ZBTB20: variants seen among roughly 807,000 people sequenced by gnomAD.
The protein encoded by ZBTB20 is zinc finger and BTB domain containing 20.
Under a neutral mutation model 56.9 loss-of-function variants are expected in ZBTB20, and 9 were observed. That is an observed-to-expected ratio of 0.16 (90% CI 0.10 to 0.28). The LOEUF (loss-of-function observed/expected upper bound fraction) is 0.28. ZBTB20 is among the 10% of genes least tolerant of loss of function. The pLI, the probability that ZBTB20 is intolerant of heterozygous loss-of-function variation, is 1.00. For synonymous variants in ZBTB20, 417 were observed against 420.7 expected (o/e 0.99, Z 0.11); for missense variants, 655 against 1,003.0 (o/e 0.65, Z 4.69).
chr3:115,128,591 G>A lies in ZBTB20; in HGVS notation c.-703+18628C>T, dbSNP rs542633885. Among the ~76,000 whole-genome samples the A allele has an allele frequency of 4.6e-5, 7 of 151,836 alleles. No homozygotes were observed. In the East Asian group the frequency reaches 1.4e-3, roughly 29 times the overall value. ...AAGCATGAGAATCGCTTGAACCCAGGAGGCGGAGGTTGCAGTGAACCAAGA... is the reference window on the plus strand; with the variant it reads ...AAGCATGAGAATCGCTTGAACCCAGAAGGCGGAGGTTGCAGTGAACCAAGA... On this transcript the variant is annotated intron_variant, in intron 1 of 11. Transcript: ENST00000675478.
chr3:114,681,847 T>G (rs72954530), intron 6 of ZBTB20, among the ~76,000 whole-genome samples: 2,111 of 152,280 alleles, frequency 0.014, 48 homozygotes, highest in African/African-American at 0.048. Flanking sequence ...CAGCTGAACT[T>G]GACAGCCTAT....
rs1228773525 is a variant in ZBTB20, at chr3:114,325,022, T to C, written c.*13983A>G. 4 of 152,174 alleles carry C rather than the reference T, an allele frequency of 2.6e-5. No individual in the cohort carries two copies. The highest frequency in any genetic ancestry group is 9.7e-5 in the African/African-American group (4 of 41,450). The allele number at this position is 152,174 out of a possible 1,614,324, so 9.4% of individuals were successfully genotyped here. A position where few individuals can be genotyped will look rare whatever the true frequency, so the allele number is the denominator to read the frequency against. ...CCTTAAAATATCAAGTTACCATAGA[T>C]TTTCTCTATCATATCAGCTTCTCAC... On this transcript the variant is annotated 3_prime_UTR_variant, in exon 12 of 12. Transcript: ENST00000675478.
At chr3:114,599,086 G>A (rs1375164007) in intron 6 of ZBTB20, among the ~76,000 whole-genome samples, 2 of 152,008 alleles carry the variant, frequency 1.3e-5, no homozygotes, top group East Asian at 3.8e-4. Context: ...CATGCTATAT[G>A]TGACACCTCC....
intron 1 of ZBTB20, among the ~76,000 whole-genome samples, chr3:115,131,024 G>A (rs751705101): frequency 2.0e-5 from 3 of 152,122 alleles, no homozygotes; most frequent in African/African-American, 4.8e-5. Flanking sequence ...GCCTCCCAAA[G>A]TTCTGGGATT....
At chr3:114,533,383 AG>A (rs930108063) in intron 6 of ZBTB20, among the ~76,000 whole-genome samples, 19 of 151,964 alleles carry the variant, frequency 1.3e-4, no homozygotes, top group African/African-American at 4.6e-4. Flanking sequence ...AGCAGAAGAA[AG>A]GATATCAGAG....
At chr3:115,087,315 T>G (rs1262471358) in intron 1 of ZBTB20, among the ~76,000 whole-genome samples, 2 of 151,886 alleles carry the variant, frequency 1.3e-5, no homozygotes, top group African/African-American at 2.4e-5. Flanking sequence ...TCAGAACTAT[T>G]TATTCAATGA....
At chr3:114,763,750 T>G (rs2068597376) in intron 5 of ZBTB20, among the ~76,000 whole-genome samples, 1 of 152,160 alleles carries the variant, frequency 6.6e-6, no homozygotes, top group African/African-American at 2.4e-5. Flanking sequence ...AATATATTAA[T>G]TGGCTTGATT....
chr3:115,138,206 A>G (rs1269819677), intron 1 of ZBTB20, among the ~76,000 whole-genome samples: 1 of 152,034 alleles, frequency 6.6e-6, no homozygotes, highest in Non-Finnish European at 1.5e-5. Flanking sequence ...ACCTTCCCAG[A>G]ACTTTCAGTA....
At chr3:114,973,228 G>C (rs1421491263) in intron 3 of ZBTB20, among the ~76,000 whole-genome samples, 1 of 152,044 alleles carries the variant, frequency 6.6e-6, no homozygotes, top group Non-Finnish European at 1.5e-5. Context: ...TTTTCATCAA[G>C]TTGTCATTTT....
chr3:114,609,281 A>C (rs2057380901), intron 6 of ZBTB20, among the ~76,000 whole-genome samples: 2 of 152,218 alleles, frequency 1.3e-5, no homozygotes, highest in Admixed American at 1.3e-4. Flanking sequence ...AGGAAAATTG[A>C]ATTTTGAAGA....
At chr3:114,725,750 G>A (rs1033703288) in intron 5 of ZBTB20, among the ~76,000 whole-genome samples, 2 of 152,196 alleles carry the variant, frequency 1.3e-5, no homozygotes, top group African/African-American at 4.8e-5. Context: ...CAAATAACAG[G>A]AGAATTATGG....
Position 114,430,840 on chromosome 3 carries a change from G to A in ZBTB20, c.-254-41735C>T, listed in dbSNP as rs578193869. On this transcript the variant is annotated intron_variant, in intron 7 of 11. Transcript: ENST00000675478. The stretch of plus-strand genomic sequence containing the variant: ...GGTTTTATCCTTAAAAATATTTAAA[G>A]GTGAGCACATAGTCTGCTTCATTTT... Among the ~76,000 whole-genome samples the A allele has an allele frequency of 2.6e-5, 4 of 152,258 alleles. No homozygotes were observed. In the East Asian group the frequency reaches 7.7e-4, roughly 29 times the overall value.
rs373427429 is a variant in ZBTB20 at position 114,916,959 on chromosome 3, G to A, written c.-455-16617C>T. Among the ~76,000 whole-genome samples, 336 of 151,984 alleles carry A rather than the reference G, an allele frequency of 2.2e-3. 2 individuals carry two copies. The highest frequency in any genetic ancestry group is 7.1e-3 in the African/African-American group (296 of 41,458). Reference sequence around the variant, plus strand: ...TAGGCTTGTGAAGTTCTCTAATACCGTCCTCAGAACAAACTTTCTACCTCT... The same window carrying A: ...TAGGCTTGTGAAGTTCTCTAATACCATCCTCAGAACAAACTTTCTACCTCT... On this transcript the variant is annotated intron_variant, in intron 3 of 11. Coordinates refer to ENST00000675478, the MANE Select transcript of ZBTB20 (RefSeq NM_001348800.3).
intron 7 of ZBTB20, among the ~76,000 whole-genome samples, chr3:114,488,734 G>A (rs955268554): frequency 1.8e-4 from 28 of 152,166 alleles, no homozygotes; most frequent in African/African-American, 6.8e-4. Flanking sequence ...TCATGTAAGT[G>A]TACAAACATG....
rs573743572 is a variant in ZBTB20, at chr3:114,501,839, G to GCTGGGA, written c.-294-1454_-294-1449dup. Among the ~76,000 whole-genome samples, 470 of 150,678 alleles carry GCTGGGA rather than the reference G, an allele frequency of 3.1e-3. 1 individual carries two copies. The highest frequency in any genetic ancestry group is 0.011 in the African/African-American group (441 of 41,076). On this transcript the variant is annotated intron_variant, in intron 6 of 11. Coordinates refer to ENST00000675478, the MANE Select transcript of ZBTB20 (RefSeq NM_001348800.3). ...TTCTCCTGCTTCAGCCTCCTGAGTA[G>GCTGGGA]CTGGGACTACAGGCACGCACCACCA...
intron 3 of ZBTB20, among the ~76,000 whole-genome samples, chr3:114,938,636 C>CACAGGA (rs1364982536): frequency 6.9e-6 from 1 of 145,162 alleles, no homozygotes; most frequent in Non-Finnish European, 1.5e-5. Context: ...AACACATGGA[C>CACAGGA]ACAGGGAGGG....
Position 114,940,284 on chromosome 3 carries a change from T to A in ZBTB20, c.-456+34082A>T, listed in dbSNP as rs557796355. On this transcript the variant is annotated intron_variant, in intron 3 of 11. Transcript: ENST00000675478. ...ATACCTGTCCATTAAATACAGTGCA[T>A]TTCATTGCCTTTTCAGACTCTCTTC... Among the ~76,000 whole-genome samples the A allele has an allele frequency of 3.4e-5, 5 of 146,572 alleles. 2 individuals carry two copies. The highest frequency in any genetic ancestry group is 1.4e-4 in the African/African-American group (5 of 36,182).
chr3:114,382,606 G>C (rs1478184736), intron 8 of ZBTB20, among the ~76,000 whole-genome samples: 1 of 152,054 alleles, frequency 6.6e-6, no homozygotes, highest in African/African-American at 2.4e-5. Flanking sequence ...ATTCCTCTCT[G>C]CCAGGTAGGA....
intron 4 of ZBTB20, 131 bp from the exon 5 acceptor site, chr3:114,801,305 C>CTTTTTTTTTTTTT (rs1271102943): frequency 7.3e-4 from 40 of 54,936 alleles, no homozygotes; most frequent in Middle Eastern, 0.012. Context: ...TTCTTTTTTT[C>CTTTTTTTTTTTTT]TTTTTTTTTT....
Sources: gnomAD v4.1 joint callset for allele counts (sites outside exome capture counted in the v4.1 genomes callset) on GRCh38, gnomAD v4.1.1 for gene constraint, MANE v1.5 for transcripts, NCBI Gene and HGNC (gene_info 2026-07-23, HGNC 2026-07-21) for gene names.